Variants in NEGR1 observed in about 807,000 individuals in gnomAD.
NEGR1 encodes IgLON family member 4.
NEGR1 carries 10 observed loss-of-function variants against 40.9 expected under a neutral mutation model. That is an observed-to-expected ratio of 0.24 (90% confidence interval 0.15 to 0.42). The LOEUF is 0.42. Among genes scored for constraint, NEGR1 ranks in the 10% least tolerant of loss-of-function variants. The pLI, the probability that NEGR1 is intolerant of heterozygous loss-of-function variation, is 1.00. For synonymous variants in NEGR1, 185 were observed against 166.8 expected (o/e 1.11, Z -0.84); for missense variants, 352 against 438.9 (o/e 0.80, Z 1.77).
Position 71,714,447 on chromosome 1 carries a change from G to C in NEGR1, c.536-16308C>G, listed in dbSNP as rs145768100. 3.8e-3 allele frequency among the ~76,000 whole-genome samples: 572 copies of C among 152,248 alleles called. 3 individuals carry two copies. Among genetic ancestry groups the C allele is most frequent in the African/African-American group, 0.012 (511 of 41,526 alleles). On this transcript the variant is annotated intron_variant, in intron 3 of 6. Transcript: ENST00000357731. ...TCTGCAAAAGTCTTAACTAATTCCA[G>C]TATTAACACAAAAGTCTGAATCCAA...
chr1:72,146,284 T>A (rs1344084683), intron 1 of NEGR1, among the ~76,000 whole-genome samples: 2 of 152,192 alleles, frequency 1.3e-5, no homozygotes, highest in Non-Finnish European at 2.9e-5. Context: ...CATCGTCTGT[T>A]GTTGTTTAAG....
chr1:71,919,241 G>A (rs930845104), intron 2 of NEGR1, among the ~76,000 whole-genome samples: 3 of 151,910 alleles, frequency 2.0e-5, no homozygotes, highest in Admixed American at 6.6e-5. Context: ...TGCTGCTTCC[G>A]TCTTCCTCCA....
chr1:72,122,454 T>C (rs1345692376), intron 1 of NEGR1, among the ~76,000 whole-genome samples: 1 of 152,030 alleles, frequency 6.6e-6, no homozygotes, highest in Non-Finnish European at 1.5e-5. Context: ...AGTAACTTTA[T>C]GCTTTTTCAC....
chr1:71,577,594 A>G (rs1473169969), intron 6 of NEGR1, among the ~76,000 whole-genome samples: 3 of 152,218 alleles, frequency 2.0e-5, no homozygotes, highest in Non-Finnish European at 4.4e-5. Context: ...ATACATGCAC[A>G]TGCACTTTAA....
At chr1:71,668,895 T>C (rs1231649045) in intron 4 of NEGR1, among the ~76,000 whole-genome samples, 1 of 152,188 alleles carries the variant, frequency 6.6e-6, no homozygotes, top group Non-Finnish European at 1.5e-5. Context: ...TCTTGACATG[T>C]GTCAACGTAT....
chr1:72,170,888 C>G (rs1038111759), intron 1 of NEGR1, among the ~76,000 whole-genome samples: 2 of 152,052 alleles, frequency 1.3e-5, no homozygotes, highest in Non-Finnish European at 2.9e-5. Context: ...TGTGGGATAG[C>G]CTTATGCTTT....
intron 1 of NEGR1, among the ~76,000 whole-genome samples, chr1:72,251,019 C>T (rs868572079): frequency 2.6e-5 from 4 of 152,128 alleles, no homozygotes; most frequent in African/African-American, 9.7e-5. Context: ...GAATTCTTTT[C>T]TTGTAGGGAA....
rs1325798124 is a variant in NEGR1 at position 71,810,195 on chromosome 1, T to A, written c.410-33898A>T. ...CAGAGGTTAAGCTACCCTTAACCTATGCTTTGGTTAAGCTTTCCTTTGTGT... is the reference window on the plus strand; with the variant it reads ...CAGAGGTTAAGCTACCCTTAACCTAAGCTTTGGTTAAGCTTTCCTTTGTGT... On this transcript the variant is annotated intron_variant, in intron 2 of 6. Coordinates refer to ENST00000357731, the MANE Select transcript of NEGR1 (RefSeq NM_173808.3). Among the ~76,000 whole-genome samples, 4 of 152,178 alleles carry A rather than the reference T, an allele frequency of 2.6e-5. No individual in the cohort carries two copies. In the East Asian group the frequency reaches 7.7e-4, roughly 29 times the overall value.
intron 1 of NEGR1, among the ~76,000 whole-genome samples, chr1:71,952,222 C>A (rs1193503553): frequency 6.6e-6 from 1 of 151,854 alleles, no homozygotes; most frequent in African/African-American, 2.4e-5. Flanking sequence ...GGTTTCTTGT[C>A]CCAAACAGTT....
At chr1:71,771,593 G>A (rs1306492986) in intron 3 of NEGR1, among the ~76,000 whole-genome samples, 4 of 149,416 alleles carry the variant, frequency 2.7e-5, no homozygotes, top group Non-Finnish European at 4.4e-5. Context: ...CCAGCTACCC[G>A]GAGGCTGAGA....
intron 1 of NEGR1, among the ~76,000 whole-genome samples, chr1:72,271,274 T>C (rs986430724): frequency 6.6e-6 from 1 of 151,908 alleles, no homozygotes; most frequent in Admixed American, 6.6e-5. Flanking sequence ...TTTTCAAAGA[T>C]GTATTATAAT....
At chr1:71,932,021 T>G (rs1353285739) in intron 2 of NEGR1, among the ~76,000 whole-genome samples, 1 of 152,088 alleles carries the variant, frequency 6.6e-6, no homozygotes, top group Non-Finnish European at 1.5e-5. Context: ...AGTCTATTAG[T>G]CAGTTTCAAC....
At chr1:71,510,525 G>A (rs565512395) in intron 6 of NEGR1, among the ~76,000 whole-genome samples, 2 of 152,314 alleles carry the variant, frequency 1.3e-5, no homozygotes, top group South Asian at 4.1e-4. Context: ...GTCACGATAA[G>A]CGAACAGAAT....
Position 71,927,818 on chromosome 1 carries a change from T to TAAAAA in NEGR1, c.409+7256_409+7260dup, listed in dbSNP as rs35429988. Among the ~76,000 whole-genome samples, 64 of 22,448 alleles carry TAAAAA rather than the reference T, an allele frequency of 2.9e-3. 11 individuals are homozygous for TAAAAA. Among genetic ancestry groups the TAAAAA allele is most frequent in the African/African-American group, 8.0e-3 (41 of 5,096 alleles). The allele number at this position is 22,448 out of a possible 152,430, so 14.7% of individuals were successfully genotyped here. A position where few individuals can be genotyped will look rare whatever the true frequency, so the allele number is the denominator to read the frequency against. On this transcript the variant is annotated intron_variant, in intron 2 of 6. Transcript: ENST00000357731. The stretch of plus-strand genomic sequence containing the variant: ...GGGCAACATGGCAAGACCCAATCTC[T>TAAAAA]AAAAAAAAAAAAAAAAAAAAAAAAA...
chr1:72,063,040 C>T (rs1407447794), intron 1 of NEGR1, among the ~76,000 whole-genome samples: 1 of 151,458 alleles, frequency 6.6e-6, no homozygotes, highest in Non-Finnish European at 1.5e-5. Flanking sequence ...TTTAAAGAAG[C>T]GTTGATTTTA....
At chr1:72,051,363 A>T (rs1647058631) in intron 1 of NEGR1, among the ~76,000 whole-genome samples, 1 of 151,512 alleles carries the variant, frequency 6.6e-6, no homozygotes, top group African/African-American at 2.4e-5. Context: ...TTAAGCATAC[A>T]TTGTGAAGCA....
intron 2 of NEGR1, among the ~76,000 whole-genome samples, chr1:71,833,546 A>G (rs900639791): frequency 6.6e-6 from 1 of 151,974 alleles, no homozygotes; most frequent in Non-Finnish European, 1.5e-5. Flanking sequence ...AGAGAAGCAA[A>G]CAAAACAAAT....
chr1:71,471,189 A>G (rs883653), intron 6 of NEGR1, among the ~76,000 whole-genome samples: 25,825 of 152,180 alleles, frequency 0.17, 2,796 homozygotes, highest in Non-Finnish European at 0.25. Flanking sequence ...AAATAAATTA[A>G]ATATATTGTT....
At chr1:71,426,889 G>A (rs1646432263) in intron 6 of NEGR1, among the ~76,000 whole-genome samples, 1 of 152,116 alleles carries the variant, frequency 6.6e-6, no homozygotes, top group Non-Finnish European at 1.5e-5. Flanking sequence ...GTGTGACAAT[G>A]TGATTGCAAT....
Sources: allele counts gnomAD v4.1 joint callset (sites outside exome capture counted in the v4.1 genomes callset), GRCh38; gene constraint gnomAD v4.1.1; transcripts MANE v1.5; gene names NCBI Gene and HGNC (gene_info 2026-07-23, HGNC 2026-07-21).